Variants in ASCC3 observed in about 807,000 individuals in gnomAD.
The protein encoded by ASCC3 is ASC-1 complex subunit P200.
ASCC3 carries 158 observed loss-of-function variants against 256.3 expected under a neutral mutation model. That is an observed-to-expected ratio of 0.62 (90% CI 0.54 to 0.70). The LOEUF (loss-of-function observed/expected upper bound fraction) is 0.70. Ranked by LOEUF, ASCC3 falls within the 30% of genes least tolerant of loss-of-function variation. The pLI is 0.00. For missense variants in ASCC3, 2,259 were observed against 2,626.0 expected, an observed-to-expected ratio of 0.86 and a Z score of 3.05; for synonymous variants, 948 against 883.4, an observed-to-expected ratio of 1.07 and a Z score of -1.30.
chr6:100,548,248 C>A (rs1769091418), intron 36 of ASCC3, among the ~76,000 whole-genome samples: 1 of 151,820 alleles, frequency 6.6e-6, no homozygotes, highest in East Asian at 1.9e-4. Context: ...CGATGGAACC[C>A]CTTAGAGAGT....
chr6:100,781,282 A>G (rs893551013), intron 8 of ASCC3, among the ~76,000 whole-genome samples: 2 of 152,224 alleles, frequency 1.3e-5, no homozygotes, highest in Admixed American at 6.5e-5. Flanking sequence ...TATAAATATT[A>G]GTCAAATAAT....
intron 34 of ASCC3, among the ~76,000 whole-genome samples, chr6:100,593,280 A>G (rs1459506193): frequency 6.6e-6 from 1 of 152,144 alleles, no homozygotes; most frequent in Non-Finnish European, 1.5e-5. Flanking sequence ...CATCCAGCAC[A>G]TGGGCTACAC....
chr6:100,616,979 T>C (rs1317145351), intron 30 of ASCC3, among the ~76,000 whole-genome samples: 4 of 151,836 alleles, frequency 2.6e-5, no homozygotes, highest in African/African-American at 7.3e-5. Flanking sequence ...TATTCTGAAC[T>C]TTTTGTTGTT....
chr6:100,550,945 A>G (rs1769265327), intron 36 of ASCC3, among the ~76,000 whole-genome samples: 1 of 151,974 alleles, frequency 6.6e-6, no homozygotes, highest in African/African-American at 2.4e-5. Context: ...TAAGTTTAAT[A>G]AGTTTCATAA....
chr6:100,773,208 G>A (rs1028495092), intron 8 of ASCC3, among the ~76,000 whole-genome samples: 3 of 152,052 alleles, frequency 2.0e-5, no homozygotes, highest in Non-Finnish European at 4.4e-5. Context: ...CATACACAGA[G>A]ATGGTACTTG....
At chr6:100,693,146 TTGATTA>T (rs1301740827) in intron 13 of ASCC3, among the ~76,000 whole-genome samples, 1 of 152,078 alleles carries the variant, frequency 6.6e-6, no homozygotes, top group African/African-American at 2.4e-5. Flanking sequence ...TATATCACAT[TTGATTA>T]TAAGTTTTTG....
intron 1 of ASCC3, among the ~76,000 whole-genome samples, chr6:100,870,243 T>G (rs1773675388): frequency 6.6e-6 from 1 of 151,990 alleles, no homozygotes; most frequent in South Asian, 2.1e-4. Context: ...TTAATGCATT[T>G]TTTCTCATGC....
At chr6:100,798,947 A>C in intron 7 of ASCC3, 109 bp from the exon 8 acceptor site, 1 of 1,016,890 alleles carries the variant, frequency 9.8e-7, no homozygotes. Flanking sequence ...ATAACAAAGC[A>C]CTGGTAAATA....
intron 5 of ASCC3, among the ~76,000 whole-genome samples, chr6:100,802,992 T>C (rs2114354018): frequency 6.6e-6 from 1 of 151,804 alleles, no homozygotes; most frequent in South Asian, 2.1e-4. Context: ...TGAGCAAGAG[T>C]GTGAGGGCGT....
At chr6:100,646,916 T>C in intron 21 of ASCC3, 147 bp from the exon 22 acceptor site, 1 of 909,100 alleles carries the variant, frequency 1.1e-6, no homozygotes, top group Non-Finnish European at 1.7e-6. Context: ...TGACCTGGCA[T>C]GTTTGAATAT....
At chr6:100,734,952 C>T (rs956118118) in intron 10 of ASCC3, among the ~76,000 whole-genome samples, 2 of 152,084 alleles carry the variant, frequency 1.3e-5, no homozygotes, top group Non-Finnish European at 2.9e-5. Context: ...GATACCAGAA[C>T]CATCATTTCC....
chr6:100,844,213 T>C (rs1772284113), intron 4 of ASCC3, among the ~76,000 whole-genome samples: 1 of 150,058 alleles, frequency 6.7e-6, no homozygotes, highest in Non-Finnish European at 1.5e-5. Context: ...AGTCCCAGAA[T>C]TTCTACCACT....
rs1327612785 is a variant in ASCC3 at position 100,589,944 on chromosome 6, A to T, written c.5415+4T>A. On this transcript the variant is annotated splice_donor_region_variant and intron_variant, in intron 35 of 41. Transcript: ENST00000369162. ...CAATTAGAATGCATATGACTAAGTC[A>T]TACCTCTCCAATTTCAATACAGTAG... 3 of 1,607,926 alleles carry T rather than the reference A, an allele frequency of 1.9e-6. No homozygotes were observed. The highest frequency in any genetic ancestry group is 2.2e-5 in the South Asian group (2 of 90,972).
chr6:100,690,812 C>T (rs1466286293), intron 13 of ASCC3, among the ~76,000 whole-genome samples: 1 of 152,154 alleles, frequency 6.6e-6, no homozygotes, highest in African/African-American at 2.4e-5. Flanking sequence ...TAGATCCACA[C>T]TTGGCAGTTC....
chr6:100,538,186 T>C (rs1775262960), intron 37 of ASCC3, among the ~76,000 whole-genome samples: 1 of 152,234 alleles, frequency 6.6e-6, no homozygotes, highest in Non-Finnish European at 1.5e-5. Context: ...TCTTCAACCC[T>C]TTCTGACCCC....
chr6:100,873,046 G>C (rs1359051881), intron 1 of ASCC3, among the ~76,000 whole-genome samples: 2 of 151,842 alleles, frequency 1.3e-5, no homozygotes, highest in Non-Finnish European at 2.9e-5. Flanking sequence ...AGAAATCCCT[G>C]ATTTACCTGA....
intron 29 of ASCC3, among the ~76,000 whole-genome samples, chr6:100,626,899 T>C (rs1198948829): frequency 6.6e-6 from 1 of 152,120 alleles, no homozygotes; most frequent in Non-Finnish European, 1.5e-5. Context: ...TTAGTGATTT[T>C]GTACAATGCT....
chr6:100,721,083 T>C (rs1779306233), intron 11 of ASCC3, among the ~76,000 whole-genome samples: 2 of 151,588 alleles, frequency 1.3e-5, no homozygotes, highest in South Asian at 4.1e-4. Context: ...GTTATATCTA[T>C]GTGTCTTTGT....
chr6:100,735,252 T>C (rs1780095727), intron 10 of ASCC3, among the ~76,000 whole-genome samples: 1 of 152,150 alleles, frequency 6.6e-6, no homozygotes, highest in African/African-American at 2.4e-5. Context: ...CAACTCTTTC[T>C]CACCATATTA....
Sources: gnomAD v4.1 joint callset for allele counts (sites outside exome capture counted in the v4.1 genomes callset) on GRCh38, gnomAD v4.1.1 for gene constraint, MANE v1.5 for transcripts, NCBI Gene and HGNC (gene_info 2026-07-23, HGNC 2026-07-21) for gene names.